CCSER1: variants seen among roughly 807,000 people sequenced by gnomAD.
CCSER1 encodes coiled-coil serine rich protein 1, also known as serine-rich coiled-coil domain-containing protein 1.
Under a neutral mutation model 82.0 loss-of-function variants are expected in CCSER1, and 41 were observed. The ratio of observed to expected loss-of-function variants is 0.50; its 90% confidence interval spans 0.39 to 0.65. The LOEUF (loss-of-function observed/expected upper bound fraction) is 0.65, where lower values mean the gene tolerates loss of function less well. Among genes scored for constraint, CCSER1 ranks in the 30% least tolerant of loss-of-function variants. The probability of loss-of-function intolerance (pLI) is 0.00; values close to 1 mark genes in which losing one functional copy is unlikely to be tolerated. For synonymous variants in CCSER1, 414 were observed against 383.9 expected (o/e 1.08, Z -0.92); for missense variants, 1,119 against 1,064.2 (o/e 1.05, Z -0.72).
chr4:91,209,217 C>T (rs567194867), intron 10 of CCSER1, among the ~76,000 whole-genome samples: 47 of 151,944 alleles, frequency 3.1e-4, no homozygotes, highest in Non-Finnish European at 5.0e-4. Context: ...TTTCATTTGC[C>T]TGATTGCTCT....
intron 1 of CCSER1, among the ~76,000 whole-genome samples, chr4:90,172,310 A>C (rs1369747392): frequency 1.3e-5 from 2 of 151,916 alleles, no homozygotes; most frequent in Non-Finnish European, 2.9e-5. Flanking sequence ...ATATACCCAG[A>C]GAAAGTTGAA....
intron 9 of CCSER1, among the ~76,000 whole-genome samples, chr4:90,977,234 T>C (rs60518420): frequency 0.014 from 2,072 of 151,628 alleles, 49 homozygotes; most frequent in East Asian, 0.044. Context: ...ATTCTTGATA[T>C]CACTTTGGAG....
chr4:90,234,013 T>TA (rs1361535445), intron 1 of CCSER1, among the ~76,000 whole-genome samples: 3 of 152,178 alleles, frequency 2.0e-5, no homozygotes, highest in Admixed American at 2.0e-4. Context: ...AATAAACATT[T>TA]AAAAAATGTT....
At chr4:91,234,305 A>G (rs922745942) in intron 10 of CCSER1, among the ~76,000 whole-genome samples, 1 of 152,012 alleles carries the variant, frequency 6.6e-6, no homozygotes, top group South Asian at 2.1e-4. Context: ...ATTTACTCTG[A>G]TTCTAATGTA....
intron 8 of CCSER1, among the ~76,000 whole-genome samples, chr4:90,881,751 C>T (rs781545039): frequency 6.6e-6 from 1 of 152,122 alleles, no homozygotes; most frequent in East Asian, 1.9e-4. Context: ...TATTACTGCA[C>T]TCCAAGCTGG....
At position 91,227,734 on chromosome 4, in the gene CCSER1, A is replaced by G. The variant is rs1414811091; in HGVS notation, c.2217+141740A>G. Among the ~76,000 whole-genome samples, 5 of 151,648 alleles carry G rather than the reference A, an allele frequency of 3.3e-5. No homozygotes were observed. In the East Asian group the frequency reaches 9.6e-4, roughly 29 times the overall value. On this transcript the variant is annotated intron_variant, in intron 10 of 10. Transcript: ENST00000509176. The stretch of plus-strand genomic sequence containing the variant: ...TCCATCTTCATGTCCACGTGTACCC[A>G]TTTAGGTCTCACTTATATGTGAAAA...
chr4:90,227,489 T>C (rs1324903970), intron 1 of CCSER1, among the ~76,000 whole-genome samples: 2 of 152,230 alleles, frequency 1.3e-5, no homozygotes, highest in Non-Finnish European at 2.9e-5. Flanking sequence ...AAAAGGTGGA[T>C]ATACATCAGT....
chr4:91,460,476 A>G (rs2149430354), intron 10 of CCSER1, among the ~76,000 whole-genome samples: 1 of 152,254 alleles, frequency 6.6e-6, no homozygotes. Context: ...ATTAGAAAAT[A>G]TAGTCTAGCC....
At chr4:91,358,836 C>T (rs575143223) in intron 10 of CCSER1, among the ~76,000 whole-genome samples, 97 of 152,226 alleles carry the variant, frequency 6.4e-4, no homozygotes, top group African/African-American at 2.1e-3. Context: ...CTTTGGATCA[C>T]GTCACTCAGG....
chr4:90,274,058 C>T (rs1341034216), intron 1 of CCSER1, among the ~76,000 whole-genome samples: 1 of 152,042 alleles, frequency 6.6e-6, no homozygotes, highest in Non-Finnish European at 1.5e-5. Flanking sequence ...AATTTAAAAA[C>T]ATCTGTAGGT....
chr4:90,450,168 C>T (rs111440354), intron 4 of CCSER1, among the ~76,000 whole-genome samples: 11 of 152,296 alleles, frequency 7.2e-5, no homozygotes, highest in African/African-American at 2.2e-4. Context: ...CTGGTAGAAA[C>T]GGAGCCATTA....
chr4:91,307,294 A>G (rs1483457145), intron 10 of CCSER1, among the ~76,000 whole-genome samples: 1 of 151,968 alleles, frequency 6.6e-6, no homozygotes, highest in African/African-American at 2.4e-5. Context: ...GATCTAATAT[A>G]TAACTGTCTT....
chr4:90,307,441 A>T (rs1301179910), intron 1 of CCSER1, among the ~76,000 whole-genome samples: 1 of 135,558 alleles, frequency 7.4e-6, no homozygotes, highest in Non-Finnish European at 1.5e-5. Context: ...TATCCTTGTG[A>T]TTTAGTTTCT....
At chr4:90,239,094 G>T (rs908815266) in intron 1 of CCSER1, among the ~76,000 whole-genome samples, 2 of 152,084 alleles carry the variant, frequency 1.3e-5, no homozygotes, top group African/African-American at 4.8e-5. Context: ...CAGGTGATCC[G>T]CCTGCCTGGG....
At chr4:90,463,181 T>TA (rs1763164116) in intron 4 of CCSER1, among the ~76,000 whole-genome samples, 1 of 152,234 alleles carries the variant, frequency 6.6e-6, no homozygotes, top group Non-Finnish European at 1.5e-5. Flanking sequence ...AATGTGGTTG[T>TA]AAAACCAGGC....
chr4:90,249,340 G>C (rs1721973048), intron 1 of CCSER1, among the ~76,000 whole-genome samples: 1 of 152,130 alleles, frequency 6.6e-6, no homozygotes, highest in African/African-American at 2.4e-5. Flanking sequence ...AGTTTTATCA[G>C]GATGTAATTT....
rs536402295 is a variant in CCSER1 at position 90,933,132 on chromosome 4, A to AGTGTGTGTGT, written c.2172+9727_2172+9736dup. Among the ~76,000 whole-genome samples, 367 of 70,170 alleles carry AGTGTGTGTGT rather than the reference A, an allele frequency of 5.2e-3. 11 individuals carry two copies. Among genetic ancestry groups the AGTGTGTGTGT allele is most frequent in the African/African-American group, 8.3e-3 (114 of 13,810 alleles). The allele number at this position is 70,170 out of a possible 152,430, so 46.0% of individuals were successfully genotyped here. Reference sequence around the variant, plus strand: ...TGTTGTTCCAAAAATGTTACCTAGAAGTGTGTGTGTGTGTGTGTGTGTGTG... The same window carrying AGTGTGTGTGT: ...TGTTGTTCCAAAAATGTTACCTAGAAGTGTGTGTGTGTGTGTGTGTGTGTGTGTGTGTGTG... On this transcript the variant is annotated intron_variant, in intron 9 of 10. Transcript: ENST00000509176.
chr4:90,497,150 C>T (rs1769164629), intron 5 of CCSER1, among the ~76,000 whole-genome samples: 1 of 151,876 alleles, frequency 6.6e-6, no homozygotes, highest in African/African-American at 2.4e-5. Flanking sequence ...TATTAAACAA[C>T]AAACTTTTAA....
chr4:90,992,368 G>C (rs192838198), intron 9 of CCSER1, among the ~76,000 whole-genome samples: 1 of 152,002 alleles, frequency 6.6e-6, no homozygotes, highest in African/African-American at 2.4e-5. Flanking sequence ...TTAAATTATA[G>C]ATATCTTTGT....
Sources: gnomAD v4.1 joint callset for allele counts (sites outside exome capture counted in the v4.1 genomes callset) on GRCh38, gnomAD v4.1.1 for gene constraint, MANE v1.5 for transcripts, NCBI Gene and HGNC (gene_info 2026-07-23, HGNC 2026-07-21) for gene names.